FBF1: variants seen among roughly 807,000 people sequenced by gnomAD.
FBF1 encodes the protein fas-binding factor 1.
FBF1 carries 119 observed loss-of-function variants against 147.2 expected under a neutral mutation model. That is an observed-to-expected ratio of 0.81 (90% CI 0.70 to 0.94). The LOEUF is 0.94. Ranked by LOEUF, FBF1 falls within the 40% of genes least tolerant of loss-of-function variation. FBF1 has a pLI of 0.00. For synonymous variants in FBF1, 601 were observed against 609.0 expected, an observed-to-expected ratio of 0.99 and a Z score of 0.19; for missense variants, 1,449 against 1,500.8, an observed-to-expected ratio of 0.97 and a Z score of 0.57.
chr17:75,921,880 T>TCA (rs1286829182), intron 15 of FBF1, 65 bp downstream of exon 15: 2 of 1,392,706 alleles, frequency 1.4e-6, no homozygotes, highest in African/African-American at 2.9e-5. Context: ...TGTCCCTCTC[T>TCA]CAGGACAGAG....
At chr17:75,917,374 G>A (rs2065494675) in intron 23 of FBF1, among the ~76,000 whole-genome samples, 1 of 152,272 alleles carries the variant, frequency 6.6e-6, no homozygotes, top group African/African-American at 2.4e-5. Flanking sequence ...ATGGGCAAGA[G>A]CATCTGTCCC....
intron 5 of FBF1, among the ~76,000 whole-genome samples, chr17:75,931,552 G>A (rs1311922664): frequency 6.6e-6 from 1 of 152,196 alleles, no homozygotes; most frequent in Non-Finnish European, 1.5e-5. Context: ...GGGAGGCCGA[G>A]GCAGGTGGAT....
intron 13 of FBF1, among the ~76,000 whole-genome samples, chr17:75,924,967 G>A (rs1256382239): frequency 2.6e-5 from 4 of 152,064 alleles, no homozygotes; most frequent in Admixed American, 2.0e-4. Flanking sequence ...AGAAGCCACC[G>A]CAGATGCCAG....
rs1479510565 is a variant in FBF1, at chr17:75,914,874, C to T, written c.2687G>A (p.Arg896His). 1.9e-6 allele frequency: 3 copies of T among 1,611,930 alleles called. No individual in the cohort carries two copies. The highest frequency in any genetic ancestry group is 2.7e-5 in the African/African-American group (2 of 75,028). ...GAACTCCGCCCACTCGGCAGCCAGGCGCCGCCGCTCCTCCCCGCACTTGAG... is the reference window on the plus strand; with the variant it reads ...GAACTCCGCCCACTCGGCAGCCAGGTGCCGCCGCTCCTCCCCGCACTTGAG... The part of the protein sequence containing the change: ...VMLKCGEERR[R>H]LAAEWAEFSA... The change falls in exon 25 of 30, where the codon CGC (arginine) becomes CAC (histidine). Residue 896 changes from arginine to histidine, a missense_variant. Transcript: ENST00000636174.
rs753018755 is a variant in FBF1 at position 75,919,761 on chromosome 17, G to A, written c.2045C>T (p.Ala682Val). The stretch of plus-strand genomic sequence containing the variant: ...GTGCTGGGCCGTAAGCTCAGCACGG[G>A]CCTGTTCGGCCTCCTGGCACTGCGA... ...YLSQCQEAEQ[A>V]RAELTAQHQR... The change falls in exon 20 of 30, where the codon GCC becomes GTC. Residue 682 changes from alanine to valine, a missense_variant. Physicochemically the swap from Ala to Val is moderately conservative, Grantham distance 64. Transcript: ENST00000636174. The surrounding 1 kb of genome is among the most constrained non-coding windows in gnomAD (Gnocchi z 5.0). 2 of 1,613,426 alleles carry A rather than the reference G, an allele frequency of 1.2e-6. No individual in the cohort carries two copies. The highest frequency in any genetic ancestry group is 1.3e-5 in the African/African-American group (1 of 74,944).
At position 75,933,107 on chromosome 17, in the gene FBF1, G is replaced by A; in HGVS notation, c.74-19C>T. On this transcript the variant is annotated intron_variant, in intron 4 of 29. Coordinates refer to ENST00000636174, the MANE Select transcript of FBF1 (RefSeq NM_001319193.2). ...AGTGTCACTGGAAAAAAAGAAAAGA[G>A]AAAACGTGTCATTTAACTAAAGGTA... is the stretch of plus-strand genomic sequence containing the variant. The A allele has an allele frequency of 6.3e-7, 1 of 1,579,798 alleles. No individual in the cohort carries two copies. The highest frequency in any genetic ancestry group is 8.7e-7 in the Non-Finnish European group (1 of 1,154,182).
Position 75,926,717 on chromosome 17 carries a change from ACT to A in FBF1, c.595+39_595+40del, listed in dbSNP as rs1338688428. ...AGGCTGGTTAGCTTGTTGCCAATAA[ACT>A]CTTCCTCCAGGATGGGAAATGAGCC... is the stretch of plus-strand genomic sequence containing the variant. On this transcript the variant is annotated intron_variant, in intron 10 of 29. Coordinates refer to ENST00000636174, the MANE Select transcript of FBF1 (RefSeq NM_001319193.2). 11 of 1,585,034 alleles carry A rather than the reference ACT, an allele frequency of 6.9e-6. 1 individual carries two copies. Among genetic ancestry groups the A allele is most frequent in the Middle Eastern group, 1.8e-4 (1 of 5,704 alleles).
chr17:75,937,840 C>T, intron 2 of FBF1: 1 of 630,260 alleles, frequency 1.6e-6, no homozygotes, highest in Non-Finnish European at 2.8e-6. Context: ...CTTTCCCAGA[C>T]ACGACATGCA....
chr17:75,930,207 T>C, intron 6 of FBF1, 160 bp from the exon 7 acceptor site: 1 of 606,970 alleles, frequency 1.6e-6, no homozygotes, highest in Non-Finnish European at 2.9e-6. Context: ...TTTGTTCCCC[T>C]TGCTTGGGCT....
At chr17:75,934,977 G>C (rs1463096515) in intron 4 of FBF1, among the ~76,000 whole-genome samples, 1 of 151,648 alleles carries the variant, frequency 6.6e-6, no homozygotes, top group African/African-American at 2.4e-5. Flanking sequence ...TAAATAATAA[G>C]TGCTTGCCTA....
At position 75,912,185 on chromosome 17, in the gene FBF1, G is replaced by C. The variant is rs1206604148; in HGVS notation, c.3363+7C>G. 1 of 1,601,278 alleles carries C rather than the reference G, an allele frequency of 6.2e-7. No homozygotes were observed. Among genetic ancestry groups the C allele is most frequent in the Non-Finnish European group, 8.5e-7 (1 of 1,174,782 alleles). On this transcript the variant is annotated splice_region_variant and intron_variant, in intron 29 of 29. Coordinates refer to ENST00000636174, the MANE Select transcript of FBF1 (RefSeq NM_001319193.2). ...CACAAGGATCCCCAAGGCCAGGAGA[G>C]ACTCACCTGCTCTGCCATGTGCCTC...
chr17:75,927,865 C>T (rs938768545), intron 8 of FBF1, among the ~76,000 whole-genome samples: 1 of 152,162 alleles, frequency 6.6e-6, no homozygotes, highest in African/African-American at 2.4e-5. Context: ...TGGAACAGCT[C>T]GAGGAAGGGA....
In FBF1 at chr17:75,935,629, T is replaced by C. The variant is rs2144196708; in HGVS notation, c.73+3A>G. The C allele has an allele frequency of 6.5e-7, 1 of 1,536,540 alleles. No homozygotes were observed. The highest frequency in any genetic ancestry group is 8.7e-7 in the Non-Finnish European group (1 of 1,146,632). ...TAGGGGATTCTGGGCAAGGCACACT[T>C]ACTATCATCCCCTAGAAGGTCACCA... On this transcript the variant is annotated splice_donor_region_variant and intron_variant, in intron 4 of 29. Transcript: ENST00000636174.
intron 16 of FBF1, 60 bp from the exon 17 acceptor site, chr17:75,921,362 C>T: frequency 6.4e-7 from 1 of 1,555,400 alleles, no homozygotes; most frequent in Non-Finnish European, 8.7e-7. Flanking sequence ...CTGCGAGTGT[C>T]CAGGAGGGGC....
Position 75,922,339 on chromosome 17 carries a change from G to A in FBF1, c.1425-293C>T, listed in dbSNP as rs2065533087. On this transcript the variant is annotated intron_variant, in intron 14 of 29. Coordinates refer to ENST00000636174, the MANE Select transcript of FBF1 (RefSeq NM_001319193.2). This position sits in a 1 kb window ranked among gnomAD's most constrained non-coding sequence, Gnocchi z 5.0. ...GACACTGGAGTCAAGTTCAAGTTCA[G>A]AGCCCTGTTCCAGTCCACTTAACTT... 6.6e-6 allele frequency among the ~76,000 whole-genome samples: 1 copy of A among 152,130 alleles called. No homozygotes were observed. Among genetic ancestry groups the A allele is most frequent in the African/African-American group, 2.4e-5 (1 of 41,398 alleles).
chr17:75,934,232 C>T (rs2065610472), intron 4 of FBF1, among the ~76,000 whole-genome samples: 1 of 152,144 alleles, frequency 6.6e-6, no homozygotes, highest in Admixed American at 6.5e-5. Context: ...TGATTCATGC[C>T]ACAGTGTGGA....
chr17:75,914,565 A>C, intron 25 of FBF1, 182 bp downstream of exon 25: 4 of 819,084 alleles, frequency 4.9e-6, no homozygotes, highest in Non-Finnish European at 7.4e-6. Context: ...TAAAATGTGT[A>C]TAATGCACCT....
chr17:75,920,515 T>G (rs1385287346), intron 17 of FBF1, 86 bp from the exon 18 acceptor site: 2 of 1,366,646 alleles, frequency 1.5e-6, no homozygotes, highest in Non-Finnish European at 2.0e-6. Flanking sequence ...CACTGCTCAC[T>G]GGACCTCCCT....
Position 75,917,842 on chromosome 17 carries a change from C to T in FBF1, c.2395G>A (p.Glu799Lys). The change falls in exon 23 of 30, where the codon GAG becomes AAG. Residue 799 changes from glutamate to lysine, a missense_variant. Physicochemically the swap from Glu to Lys is moderately conservative, Grantham distance 56. Coordinates refer to ENST00000636174, the MANE Select transcript of FBF1 (RefSeq NM_001319193.2). ...TCCCGCTGCTGCTGGCCCAGCCGCT[C>T]CTGCAGTGCTGGGGGCAACCCACAG... is the stretch of plus-strand genomic sequence containing the variant. ...QRDEQLRALQ[E>K]RLGQQQRDME... is the part of the protein sequence containing the mutation. The T allele has an allele frequency of 6.2e-7, 1 of 1,605,160 alleles. No homozygotes were observed.
Sources: gnomAD v4.1 joint callset for allele counts (sites outside exome capture counted in the v4.1 genomes callset) on GRCh38, gnomAD v4.1.1 for gene constraint, Gnocchi (gnomAD v3.1) non-coding constraint, MANE v1.5 for transcripts, NCBI Gene and HGNC (gene_info 2026-07-23, HGNC 2026-07-21) for gene names.